Variants in BTBD6 observed in about 807,000 individuals in gnomAD.
BTBD6 encodes the protein BTB domain containing 6.
BTBD6 carries 30 observed loss-of-function variants against 40.6 expected under a neutral mutation model. That is an observed-to-expected ratio of 0.74 (90% CI 0.55 to 1.00). The LOEUF is 1.00. Ranked by LOEUF, BTBD6 falls within the 50% of genes least tolerant of loss-of-function variation. BTBD6 has a pLI of 0.00. For synonymous variants in BTBD6, 378 were observed against 308.7 expected (o/e 1.22, Z -2.35); for missense variants, 698 against 694.6 (o/e 1.00, Z -0.06).
rs748215152 is a variant in BTBD6, at chr14:105,249,699, C to T, written c.644C>T (p.Ala215Val). The change falls in exon 4 of 4, where the codon GCT (alanine) becomes GTT (valine). Residue 215 changes from alanine to valine, a missense_variant. Physicochemically the swap from Ala to Val is moderately conservative, Grantham distance 64. Coordinates refer to ENST00000392554, the MANE Select transcript of BTBD6 (RefSeq NM_001387567.1). ...EADTVLATLY[A>V]AKKYIVPALA... ...GACACGGTGCTGGCCACTCTGTACG[C>T]TGCTAAGAAGTACATCGTCCCAGCA... The T allele has an allele frequency of 2.5e-5, 40 of 1,613,640 alleles. No homozygotes were observed. The South Asian group carries it at 4.0e-4, about 16-fold the overall frequency.
chr14:105,249,293 G>T, intron 2 of BTBD6, 46 bp downstream of exon 2: 8 of 1,572,718 alleles, frequency 5.1e-6, no homozygotes, highest in Non-Finnish European at 6.9e-6. Context: ...CGTCCGCCCC[G>T]TCCGCCGTGT....
chr14:105,249,300 G>T, intron 2 of BTBD6, 53 bp downstream of exon 2: 1 of 1,581,478 alleles, frequency 6.3e-7, no homozygotes, highest in Non-Finnish European at 8.6e-7. Flanking sequence ...CCCGTCCGCC[G>T]TGTGGCTGAC....
In BTBD6 at chr14:105,250,385, C is replaced by T; in HGVS notation, c.1330C>T (p.Leu444Phe). ...GGCTGAGTACAGCGTGAAGATTGAG[C>T]TCAAGCGGCTCGGGGTGGTTCTGGC... ...GKAEYSVKIE[L>F]KRLGVVLAQN... The change falls in exon 4 of 4, where the codon CTC becomes TTC. Residue 444 changes from leucine (L) to phenylalanine (F), a missense_variant. Coordinates refer to ENST00000392554, the MANE Select transcript of BTBD6 (RefSeq NM_001387567.1). 1 of 1,613,832 alleles carries T rather than the reference C, an allele frequency of 6.2e-7. No individual in the cohort carries two copies. The highest frequency in any genetic ancestry group is 8.5e-7 in the Non-Finnish European group (1 of 1,180,032).
rs992514821 is a variant in BTBD6 at position 105,248,659 on chromosome 14, G to A, written c.-53G>A. On this transcript the variant is annotated 5_prime_UTR_variant, in exon 1 of 4. Coordinates refer to ENST00000392554, the MANE Select transcript of BTBD6 (RefSeq NM_001387567.1). Reference sequence around the variant, plus strand: ...GGCTCGGGCAGGGTCGCAGGGGCGGGGGTGGCAGGGGAGCGGGTGGCAGCC... The same window carrying A: ...GGCTCGGGCAGGGTCGCAGGGGCGGAGGTGGCAGGGGAGCGGGTGGCAGCC... 73 of 980,890 alleles carry A rather than the reference G, an allele frequency of 7.4e-5. No individual in the cohort carries two copies. The highest frequency in any genetic ancestry group is 8.6e-5 in the Non-Finnish European group (71 of 828,388). 60.8% of individuals were successfully genotyped at this position (980,890 alleles called of 1,614,324 possible). A position where few individuals can be genotyped will look rare whatever the true frequency, so the allele number is the denominator to read the frequency against.
rs1343931962 is a variant in BTBD6, at chr14:105,250,962, TG to T, written c.*292del. On this transcript the variant is annotated 3_prime_UTR_variant, in exon 4 of 4. Transcript: ENST00000392554. ...ACCCATGCCACCTGCTTTGAGGGGTTGGATCTTCCTGCTACCCTCTTGGATT... is the reference window on the plus strand; with the variant it reads ...ACCCATGCCACCTGCTTTGAGGGGTTGATCTTCCTGCTACCCTCTTGGATT... 4 of 398,566 alleles carry T rather than the reference TG, an allele frequency of 1.0e-5. No individual in the cohort carries two copies. Among genetic ancestry groups the T allele is most frequent in the South Asian group, 4.8e-5 (1 of 20,698 alleles). The allele number at this position is 398,566 out of a possible 1,614,324, so 24.7% of individuals were successfully genotyped here.
In BTBD6 at chr14:105,249,814, G is replaced by T; in HGVS notation, c.759G>T (p.Glu253Asp). The change falls in exon 4 of 4, where the codon GAG becomes GAT. Residue 253 changes from glutamate to aspartate, a missense_variant. Coordinates refer to ENST00000392554, the MANE Select transcript of BTBD6 (RefSeq NM_001387567.1). ...VLLSQSRLFE[E>D]PELTQRCWEV... ...TGTCCCAGAGCCGGCTGTTTGAGGA[G>T]CCCGAGCTGACGCAGCGCTGCTGGG... 6.2e-7 allele frequency: 1 copy of T among 1,613,618 alleles called. No individual in the cohort carries two copies. Among genetic ancestry groups the T allele is most frequent in the Non-Finnish European group, 8.5e-7 (1 of 1,180,038 alleles).
At position 105,248,921 on chromosome 14, in the gene BTBD6, C is replaced by A; in HGVS notation, c.210C>A (p.Ala70=). The A allele has an allele frequency of 7.1e-6, 7 of 985,958 alleles. No individual in the cohort carries two copies. Among genetic ancestry groups the A allele is most frequent in the Non-Finnish European group, 8.4e-6 (7 of 831,980 alleles). The allele number at this position is 985,958 out of a possible 1,614,324, so 61.1% of individuals were successfully genotyped here. ...CCAGCGCCGCGGCCGCGGACCTAGC[C>A]AACAGCAACGCCGGCGCCGCCGTGG... The part of the protein sequence containing the change: ...APASAAAADL[A]NSNAGAAVGR... Residue 70 remains alanine, a synonymous_variant, in exon 1 of 4, where the codon GCC becomes GCA. Transcript: ENST00000392554.
rs2055379863 is a variant in BTBD6 at position 105,249,029 on chromosome 14, C to T, written c.318C>T (p.Gly106=). The part of the protein sequence containing the change: ...PPPAPAPPTL[G]NNHQESPGWR... ...CCGCGCCCGCGCCGCCCACACTCGGCAACAACCACCAGGAGAGCCCCGGCT... is the reference window on the plus strand; with the variant it reads ...CCGCGCCCGCGCCGCCCACACTCGGTAACAACCACCAGGAGAGCCCCGGCT... Residue 106 remains glycine (G), a synonymous_variant, in exon 1 of 4, where the codon GGC becomes GGT. Transcript: ENST00000392554. 1.7e-6 allele frequency: 2 copies of T among 1,190,092 alleles called. No individual in the cohort carries two copies. Among genetic ancestry groups the T allele is most frequent in the Non-Finnish European group, 2.1e-6 (2 of 964,234 alleles). 73.7% of individuals were successfully genotyped at this position (1,190,092 alleles called of 1,614,324 possible). A position where few individuals can be genotyped will look rare whatever the true frequency, so the allele number is the denominator to read the frequency against.
Position 105,249,915 on chromosome 14 carries a change from T to C in BTBD6, c.860T>C (p.Ile287Thr). ...FCEIDRQTLE[I>T]IVTREALNTK... is the part of the protein sequence containing the mutation. ...GAGATAGACCGGCAGACGCTGGAGA[T>C]CATTGTCACTCGGGAGGCCCTCAAC... is the stretch of plus-strand genomic sequence containing the variant. The change falls in exon 4 of 4, where the codon ATC becomes ACC. Residue 287 changes from isoleucine to threonine, a missense_variant. Ile to Thr is a moderately conservative substitution (Grantham distance 89). Coordinates refer to ENST00000392554, the MANE Select transcript of BTBD6 (RefSeq NM_001387567.1). 7 of 1,611,330 alleles carry C rather than the reference T, an allele frequency of 4.3e-6. No individual in the cohort carries two copies. The highest frequency in any genetic ancestry group is 5.1e-6 in the Non-Finnish European group (6 of 1,179,994).
chr14:105,249,128 G>GC, intron 1 of BTBD6, 29 bp from the exon 2 acceptor site: 1 of 1,525,086 alleles, frequency 6.6e-7, no homozygotes, highest in Non-Finnish European at 8.7e-7. Flanking sequence ...GCGCGCCCAC[G>GC]CCCCCAGCCC....
rs143893506 is a variant in BTBD6, at chr14:105,250,219, G to A, written c.1164G>A (p.Pro388=). ...FPLTKRKGLA[P]QRCHRFQSSA... is the part of the protein sequence containing the mutation. ...TGACCAAGAGGAAGGGCCTCGCCCC[G>A]CAGAGGTGCCACCGATTCCAGTCTT... Residue 388 remains proline (P), a synonymous_variant, in exon 4 of 4, where the codon CCG becomes CCA. Transcript: ENST00000392554. 230 of 1,612,892 alleles carry A rather than the reference G, an allele frequency of 1.4e-4. 1 individual carries two copies. In the African/African-American group the frequency reaches 2.4e-3, roughly 17 times the overall value.
rs2055537153 is a variant in BTBD6 at position 105,250,453 on chromosome 14, C to T, written c.1398C>T (p.Thr466=). 6.2e-7 allele frequency: 1 copy of T among 1,614,044 alleles called. No individual in the cohort carries two copies. Among genetic ancestry groups the T allele is most frequent in the South Asian group, 1.1e-5 (1 of 91,086 alleles). Residue 466 remains threonine, a synonymous_variant, in exon 4 of 4, where the codon ACC becomes ACT. Transcript: ENST00000392554. ...TCATGTCAGACGGATCCAGTAACAC[C>T]TTCCCGGTCTGGTTTGAACACCCGG... ...TKFMSDGSSN[T]FPVWFEHPVQ... is the part of the protein sequence containing the mutation.
rs759318471 is a variant in BTBD6 at position 105,249,150 on chromosome 14, T to C, written c.375-7T>C. On this transcript the variant is annotated splice_region_variant and splice_polypyrimidine_tract_variant and intron_variant, in intron 1 of 3. Transcript: ENST00000392554. Reference sequence around the variant, plus strand: ...CACGCCCCCAGCCCGTGCCTCTACCTTTGCAGGAACGCGCTCATGTTCAAC... The same window carrying C: ...CACGCCCCCAGCCCGTGCCTCTACCCTTGCAGGAACGCGCTCATGTTCAAC... The C allele has an allele frequency of 1.1e-5, 17 of 1,568,406 alleles. No individual in the cohort carries two copies. The highest frequency in any genetic ancestry group is 3.4e-6 in the Non-Finnish European group (4 of 1,164,592).
chr14:105,249,290 C>CCCGT (rs778397572), intron 2 of BTBD6, 43 bp downstream of exon 2: 9 of 1,570,748 alleles, frequency 5.7e-6, no homozygotes, highest in Admixed American at 3.7e-5. Context: ...CCCCGTCCGC[C>CCCGT]CCGTCCGCCG....
chr14:105,250,718 A>T lies in BTBD6; in HGVS notation c.*46A>T, dbSNP rs2055556302. 1 of 1,552,912 alleles carries T rather than the reference A, an allele frequency of 6.4e-7. No individual in the cohort carries two copies. The highest frequency in any genetic ancestry group is 1.8e-5 in the Admixed American group (1 of 55,300). ...CAGGTCAGCGAGTGAGTGGAGGGGAAGTCAAGATGCTAACTGCTTCTTGAC... is the reference window on the plus strand; with the variant it reads ...CAGGTCAGCGAGTGAGTGGAGGGGATGTCAAGATGCTAACTGCTTCTTGAC... On this transcript the variant is annotated 3_prime_UTR_variant, in exon 4 of 4. Transcript: ENST00000392554.
In BTBD6 at chr14:105,249,052, G is replaced by A. The variant is rs1407072673; in HGVS notation, c.341G>A (p.Gly114Asp). 6.2e-6 allele frequency: 8 copies of A among 1,290,356 alleles called. No individual in the cohort carries two copies. The highest frequency in any genetic ancestry group is 6.8e-6 in the Non-Finnish European group (7 of 1,028,254). 79.9% of individuals were successfully genotyped at this position (1,290,356 alleles called of 1,614,324 possible). The change falls in exon 1 of 4, where the codon GGC (glycine) becomes GAC (aspartate). Residue 114 changes from glycine (G) to aspartate (D), a missense_variant. Physicochemically the swap from Gly to Asp is moderately conservative, Grantham distance 94. Coordinates refer to ENST00000392554, the MANE Select transcript of BTBD6 (RefSeq NM_001387567.1). Reference protein sequence around the residue: ...TLGNNHQESPGWRCCRPTLRE... With the variant: ...TLGNNHQESPDWRCCRPTLRE... Reference sequence around the variant, plus strand: ...GGCAACAACCACCAGGAGAGCCCCGGCTGGCGGTGCTGCCGCCCCACGCTG... The same window carrying A: ...GGCAACAACCACCAGGAGAGCCCCGACTGGCGGTGCTGCCGCCCCACGCTG...
chr14:105,249,519 T>TA, intron 3 of BTBD6, 41 bp downstream of exon 3: 1 of 1,608,932 alleles, frequency 6.2e-7, no homozygotes, highest in Non-Finnish European at 8.5e-7. Context: ...GGGTCCGTTT[T>TA]AGGCGGCCTC....
rs777454423 is a variant in BTBD6, at chr14:105,249,620, G to A, written c.585-20G>A. Reference sequence around the variant, plus strand: ...GGGTGCTTGGGAGCCAGCCCCTGACGCGGGCCCTGCCTCGCCTAGGTACAT... The same window carrying A: ...GGGTGCTTGGGAGCCAGCCCCTGACACGGGCCCTGCCTCGCCTAGGTACAT... On this transcript the variant is annotated intron_variant, in intron 3 of 3. Coordinates refer to ENST00000392554, the MANE Select transcript of BTBD6 (RefSeq NM_001387567.1). The A allele has an allele frequency of 6.3e-6, 10 of 1,595,348 alleles. No individual in the cohort carries two copies. Among genetic ancestry groups the A allele is most frequent in the Admixed American group, 3.4e-5 (2 of 58,472 alleles).
chr14:105,249,292 C>A, intron 2 of BTBD6, 45 bp downstream of exon 2: 1 of 1,571,640 alleles, frequency 6.4e-7, no homozygotes. Flanking sequence ...CCGTCCGCCC[C>A]GTCCGCCGTG....
Sources: gnomAD v4.1 joint callset for allele counts on GRCh38, gnomAD v4.1.1 for gene constraint, MANE v1.5 for transcripts, NCBI Gene and HGNC (gene_info 2026-07-23, HGNC 2026-07-21) for gene names.